CCDC175: variants seen among roughly 807,000 people sequenced by gnomAD.
The protein encoded by CCDC175 is coiled-coil domain containing 175, also known as coiled-coil domain-containing protein 175.
CCDC175 carries 100 observed loss-of-function variants against 114.6 expected under a neutral mutation model. That is an observed-to-expected ratio of 0.87 (90% CI 0.74 to 1.03). The LOEUF (loss-of-function observed/expected upper bound fraction) is 1.03, where lower values mean the gene tolerates loss of function less well. Ranked by LOEUF, CCDC175 falls within the 50% of genes least tolerant of loss-of-function variation. CCDC175 has a pLI of 0.00. For synonymous variants in CCDC175, 306 were observed against 308.7 expected, an observed-to-expected ratio of 0.99 and a Z score of 0.09; for missense variants, 880 against 917.8, an observed-to-expected ratio of 0.96 and a Z score of 0.53.
chr14:59,508,420 A>ACACACACACACAC (rs1490840311), intron 19 of CCDC175, among the ~76,000 whole-genome samples: 25 of 149,974 alleles, frequency 1.7e-4, no homozygotes, highest in Admixed American at 4.0e-4. Flanking sequence ...ACACACACAC[A>ACACACACACACAC]CACACACACA....
At chr14:59,523,927 T>G (rs2139988225) in intron 16 of CCDC175, among the ~76,000 whole-genome samples, 2 of 151,956 alleles carry the variant, frequency 1.3e-5, no homozygotes, top group Middle Eastern at 3.4e-3. Context: ...AGGCGGAGCT[T>G]GCAGTGAGCC....
chr14:59,523,716 G>A (rs1050160236), intron 16 of CCDC175, among the ~76,000 whole-genome samples: 13 of 152,096 alleles, frequency 8.5e-5, no homozygotes, highest in Admixed American at 3.3e-4. Flanking sequence ...TCAGCCGGGC[G>A]CGGTGGCTCA....
At chr14:59,531,445 CA>C (rs906189488) in intron 14 of CCDC175, among the ~76,000 whole-genome samples, 1 of 151,468 alleles carries the variant, frequency 6.6e-6, no homozygotes, top group South Asian at 2.1e-4. Context: ...TAAGAAAATA[CA>C]AAAAAAATTC....
intron 17 of CCDC175, among the ~76,000 whole-genome samples, chr14:59,514,743 C>A (rs1180697013): frequency 1.3e-5 from 2 of 152,278 alleles, no homozygotes; most frequent in Non-Finnish European, 1.5e-5. Flanking sequence ...AAACACTCTG[C>A]AGGATATCAT....
At chr14:59,552,407 C>G (rs1366647561) in intron 7 of CCDC175, among the ~76,000 whole-genome samples, 2 of 152,190 alleles carry the variant, frequency 1.3e-5, no homozygotes, top group African/African-American at 2.4e-5. Flanking sequence ...AGCTGAGGGT[C>G]CTGACTGTTA....
At chr14:59,542,274 T>G (rs1894836865) in intron 10 of CCDC175, among the ~76,000 whole-genome samples, 1 of 152,240 alleles carries the variant, frequency 6.6e-6, no homozygotes, top group Non-Finnish European at 1.5e-5. Flanking sequence ...ATGGTTTATT[T>G]TTCACCATCA....
intron 13 of CCDC175, among the ~76,000 whole-genome samples, chr14:59,535,539 G>A (rs891616946): frequency 1.3e-5 from 2 of 152,084 alleles, no homozygotes; most frequent in African/African-American, 4.8e-5. Context: ...CACCTCTTTG[G>A]TTACCATTTT....
intron 17 of CCDC175, among the ~76,000 whole-genome samples, chr14:59,520,696 T>C (rs1313998250): frequency 1.3e-5 from 2 of 152,206 alleles, no homozygotes; most frequent in African/African-American, 2.4e-5. Context: ...TAGTGAGACA[T>C]GCAACAACTT....
Position 59,511,759 on chromosome 14 carries a change from C to A in CCDC175, c.2142+1G>T. ...AGGCAACAGACACACGCAAAACTCA[C>A]CTTAACTGTGGTCTGAAATTCAGCC... On this transcript the variant is annotated splice_donor_variant, in intron 18 of 19. Transcript: ENST00000537690. LOFTEE classifies it high-confidence loss of function. The A allele has an allele frequency of 6.5e-7, 1 of 1,536,134 alleles. No homozygotes were observed. The highest frequency in any genetic ancestry group is 2.4e-5 in the East Asian group (1 of 40,906).
chr14:59,511,838 G>A, intron 17 of CCDC175, 35 bp from the exon 18 acceptor site: 1 of 1,367,216 alleles, frequency 7.3e-7, no homozygotes. Flanking sequence ...AATGGTTACT[G>A]ACACAATCTG....
intron 4 of CCDC175, among the ~76,000 whole-genome samples, chr14:59,566,503 G>A (rs1242989363): frequency 8.5e-5 from 13 of 152,176 alleles, no homozygotes; most frequent in African/African-American, 3.1e-4. Flanking sequence ...CTAGGTGAGA[G>A]GCTCAGTAGG....
chr14:59,527,017 G>T, intron 15 of CCDC175, 78 bp downstream of exon 15: 2 of 727,128 alleles, frequency 2.8e-6, no homozygotes, highest in Non-Finnish European at 4.2e-6. Flanking sequence ...AAACTTCAAT[G>T]CCAGGTAAAT....
intron 17 of CCDC175, among the ~76,000 whole-genome samples, chr14:59,514,146 C>T (rs1594978608): frequency 6.6e-6 from 1 of 152,160 alleles, no homozygotes; most frequent in Non-Finnish European, 1.5e-5. Context: ...AAAGGACATC[C>T]ACACCAAAAC....
intron 18 of CCDC175, among the ~76,000 whole-genome samples, chr14:59,511,553 A>AAAAAAAG: frequency 6.6e-6 from 1 of 150,518 alleles, no homozygotes; most frequent in South Asian, 2.1e-4. Context: ...TTTGGTAAAA[A>AAAAAAAG]AAAAAAAAAA....
chr14:59,560,467 G>A (rs1326387259), intron 7 of CCDC175, among the ~76,000 whole-genome samples: 2 of 152,130 alleles, frequency 1.3e-5, no homozygotes, highest in African/African-American at 4.8e-5. Context: ...GGGGATTTTC[G>A]GGGGAGAGAG....
At chr14:59,510,838 A>G in intron 18 of CCDC175, 30 bp from the exon 19 acceptor site, 1 of 1,521,926 alleles carries the variant, frequency 6.6e-7, no homozygotes. Flanking sequence ...GGCTGTGTCA[A>G]TATAAATTGC....
Position 59,551,436 on chromosome 14 carries a change from C to A in CCDC175, c.954G>T (p.Leu318=). Residue 318 remains leucine (L), a splice_region_variant and synonymous_variant, in exon 8 of 20, where the codon CTG becomes CTT. Coordinates refer to ENST00000537690, the MANE Select transcript of CCDC175 (RefSeq NM_001164399.2). ...TTTCTTTGTTATCTGTGAAAAAACA[C>A]CTATGAACAAAGGAAGCCAAACAGA... ...KKDLAILEAK[L]CFFTDNKEKL... is the part of the protein sequence containing the mutation. 7.1e-7 allele frequency: 1 copy of A among 1,404,932 alleles called. No individual in the cohort carries two copies. The highest frequency in any genetic ancestry group is 9.5e-7 in the Non-Finnish European group (1 of 1,058,174). 87.0% of individuals were successfully genotyped at this position (1,404,932 alleles called of 1,614,324 possible).
chr14:59,511,610 GC>G, intron 18 of CCDC175, 149 bp downstream of exon 18: 1 of 548,558 alleles, frequency 1.8e-6, no homozygotes, highest in South Asian at 2.3e-5. Flanking sequence ...ATCTAGGACT[GC>G]AGGGGAGTGA....
chr14:59,518,809 C>T (rs1272508164), intron 17 of CCDC175, among the ~76,000 whole-genome samples: 1 of 152,060 alleles, frequency 6.6e-6, no homozygotes, highest in Non-Finnish European at 1.5e-5. Context: ...CCAGCCATCC[C>T]ATTACTGGGT....
Sources: gnomAD v4.1 joint callset for allele counts (sites outside exome capture counted in the v4.1 genomes callset) on GRCh38, gnomAD v4.1.1 for gene constraint, MANE v1.5 for transcripts, NCBI Gene and HGNC (gene_info 2026-07-23, HGNC 2026-07-21) for gene names.